ZNF462: variants seen among roughly 807,000 people sequenced by gnomAD.
The protein encoded by ZNF462 is zinc finger protein 462.
ZNF462 carries 10 observed loss-of-function variants against 201.9 expected under a neutral mutation model. The ratio of observed to expected loss-of-function variants is 0.05; its 90% CI spans 0.03 to 0.08. The LOEUF is 0.08. ZNF462 is among the 10% of genes least tolerant of loss of function. The probability of loss-of-function intolerance (pLI) is 1.00; values close to 1 mark genes in which losing one functional copy is unlikely to be tolerated. For synonymous variants in ZNF462, 1,227 were observed against 1,193.3 expected, an observed-to-expected ratio of 1.03 and a Z score of -0.58; for missense variants, 2,523 against 3,168.3, an observed-to-expected ratio of 0.80 and a Z score of 4.89.
At position 107,006,593 on chromosome 9, in the gene ZNF462, G is replaced by A. The variant is rs538190745; in HGVS notation, c.7190-2952G>A. Among the ~76,000 whole-genome samples the A allele has an allele frequency of 6.6e-6, 1 of 152,118 alleles. No individual in the cohort carries two copies. Among genetic ancestry groups the A allele is most frequent in the African/African-American group, 2.4e-5 (1 of 41,506 alleles). ...TTTCTTTGTGTTTTCTGCTTGTTCTGTCTGCAAACATTAAGGAAGCCTATT... is the reference window on the plus strand; with the variant it reads ...TTTCTTTGTGTTTTCTGCTTGTTCTATCTGCAAACATTAAGGAAGCCTATT... On this transcript the variant is annotated intron_variant, in intron 11 of 12. Coordinates refer to ENST00000277225, the MANE Select transcript of ZNF462 (RefSeq NM_021224.6). This position sits in a 1 kb window ranked among gnomAD's most constrained non-coding sequence, Gnocchi z 4.3.
intron 7 of ZNF462, among the ~76,000 whole-genome samples, chr9:106,964,035 G>A (rs1226868447): frequency 1.3e-5 from 2 of 151,524 alleles, no homozygotes; most frequent in African/African-American, 4.9e-5. Context: ...GTGTGTGTGT[G>A]TGTGTGTTAT....
At chr9:106,896,545 A>G (rs1828821708) in intron 1 of ZNF462, among the ~76,000 whole-genome samples, 1 of 152,100 alleles carries the variant, frequency 6.6e-6, no homozygotes. Flanking sequence ...AATGGGTTAT[A>G]TTGCTTCTAA....
At chr9:107,001,928 G>A (rs916679792) in intron 10 of ZNF462, among the ~76,000 whole-genome samples, 2 of 152,064 alleles carry the variant, frequency 1.3e-5, no homozygotes, top group Non-Finnish European at 2.9e-5. Flanking sequence ...TTTTCCCTGA[G>A]TTCTTCTCCT....
At position 106,870,792 on chromosome 9, in the gene ZNF462, T is replaced by G. The variant is rs890621254; in HGVS notation, c.-31+7437T>G. Reference sequence around the variant, plus strand: ...CAGAAGTAATAAAGCCCAGGATTTGTGGAGAGAGCTTAGCCGCCACAGAGC... The same window carrying G: ...CAGAAGTAATAAAGCCCAGGATTTGGGGAGAGAGCTTAGCCGCCACAGAGC... On this transcript the variant is annotated intron_variant, in intron 1 of 12. Transcript: ENST00000277225. This position sits in a 1 kb window ranked among gnomAD's most constrained non-coding sequence, Gnocchi z 4.3. Among the ~76,000 whole-genome samples, 1 of 152,174 alleles carries G rather than the reference T, an allele frequency of 6.6e-6. No homozygotes were observed. Among genetic ancestry groups the G allele is most frequent in the Non-Finnish European group, 1.5e-5 (1 of 68,026 alleles).
At position 106,872,899 on chromosome 9, in the gene ZNF462, A is replaced by AT. The variant is rs555693196; in HGVS notation, c.-31+9553dup. Among the ~76,000 whole-genome samples the AT allele has an allele frequency of 1.6e-3, 244 of 151,572 alleles. 1 individual carries two copies. Among genetic ancestry groups the AT allele is most frequent in the Middle Eastern group, 0.01 (3 of 294 alleles). On this transcript the variant is annotated intron_variant, in intron 1 of 12. Coordinates refer to ENST00000277225, the MANE Select transcript of ZNF462 (RefSeq NM_021224.6). The surrounding 1 kb of genome is among the most constrained non-coding windows in gnomAD (Gnocchi z 4.5). The stretch of plus-strand genomic sequence containing the variant: ...TAGTTAATACTGGACAACGGTTTTT[A>AT]TTTTTTTTTAACATTTAATATGAAC...
chr9:106,925,558 C>T lies in ZNF462; in HGVS notation c.1646C>T (p.Pro549Leu), dbSNP rs145644535. The part of the protein sequence containing the change: ...QQQPPQPPPP[P>L]PPPPPSQPQP... ...CAGCCACCGCAGCCACCACCACCGC[C>T]GCCGCCACCACCACCATCACAGCCA... Residue 549 changes from proline to leucine, a missense_variant, in exon 3 of 13, where the codon CCG (proline) becomes CTG (leucine). Pro to Leu is a moderately conservative substitution (Grantham distance 98). Coordinates refer to ENST00000277225, the MANE Select transcript of ZNF462 (RefSeq NM_021224.6). The surrounding 1 kb of genome is among the most constrained non-coding windows in gnomAD (Gnocchi z 7.9). 3,086 of 1,612,228 alleles carry T rather than the reference C, an allele frequency of 1.9e-3. 3 individuals are homozygous for T. Among genetic ancestry groups the T allele is most frequent in the Non-Finnish European group, 2.3e-3 (2,716 of 1,179,216 alleles).
At chr9:106,934,195 C>T (rs112182760) in intron 5 of ZNF462, among the ~76,000 whole-genome samples, 1,948 of 150,950 alleles carry the variant, frequency 0.013, 37 homozygotes, top group African/African-American at 0.044. Context: ...AAGAGTAAAG[C>T]CTAGAAAAAT....
chr9:106,983,333 A>G (rs778340787), intron 9 of ZNF462, among the ~76,000 whole-genome samples: 79 of 152,180 alleles, frequency 5.2e-4, no homozygotes, highest in African/African-American at 1.8e-3. Context: ...CTGTCTAAAA[A>G]GACACAAATC....
rs1587995971 is a variant in ZNF462, at chr9:106,884,018, T to A, written c.-31+20663T>A. The stretch of plus-strand genomic sequence containing the variant: ...GTGTGTATATATGGTGGGGGAAGGG[T>A]GGACAGCTCCCTTTTAAAAAGTTTT... On this transcript the variant is annotated intron_variant, in intron 1 of 12. Transcript: ENST00000277225. Among the ~76,000 whole-genome samples the A allele has an allele frequency of 2.0e-5, 3 of 152,176 alleles. No individual in the cohort carries two copies. In the East Asian group the frequency reaches 5.8e-4, roughly 29 times the overall value.
intron 10 of ZNF462, among the ~76,000 whole-genome samples, chr9:106,985,492 A>C (rs982656746): frequency 6.6e-6 from 1 of 152,110 alleles, no homozygotes; most frequent in African/African-American, 2.4e-5. Context: ...CTGGCATCTC[A>C]TGAACTGAGA....
In ZNF462 at chr9:107,011,777, A is replaced by C. The variant is rs1829935503; in HGVS notation, c.*747A>C. ...TATTTTAGTAAAAAACAAAACAAAA[A>C]AAAGAAACAGACTTTAATTATTAGA... On this transcript the variant is annotated 3_prime_UTR_variant, in exon 13 of 13. Coordinates refer to ENST00000277225, the MANE Select transcript of ZNF462 (RefSeq NM_021224.6). The surrounding 1 kb of genome is among the most constrained non-coding windows in gnomAD (Gnocchi z 5.6). 1 of 152,190 alleles carries C rather than the reference A, an allele frequency of 6.6e-6. No individual in the cohort carries two copies. Among genetic ancestry groups the C allele is most frequent in the Non-Finnish European group, 1.5e-5 (1 of 68,028 alleles). The allele number at this position is 152,190 out of a possible 1,614,324, so 9.4% of individuals were successfully genotyped here. A position where few individuals can be genotyped will look rare whatever the true frequency, so the allele number is the denominator to read the frequency against.
intron 1 of ZNF462, among the ~76,000 whole-genome samples, chr9:106,910,386 T>A (rs568615008): frequency 0.014 from 2,053 of 145,818 alleles, 26 homozygotes; most frequent in Non-Finnish European, 0.022. Context: ...TTTTTTTTTT[T>A]AATAACTCAT....
chr9:106,879,678 G>GCAATTATATAA (rs1828005544), intron 1 of ZNF462, among the ~76,000 whole-genome samples: 1 of 152,152 alleles, frequency 6.6e-6, no homozygotes, highest in Non-Finnish European at 1.5e-5. Context: ...TGCAGCTGTA[G>GCAATTATATAA]TTGGTAGAAG....
chr9:106,923,711 T>C lies in ZNF462; in HGVS notation c.220+108T>C. On this transcript the variant is annotated intron_variant, in intron 2 of 12. Coordinates refer to ENST00000277225, the MANE Select transcript of ZNF462 (RefSeq NM_021224.6). This position sits in a 1 kb window ranked among gnomAD's most constrained non-coding sequence, Gnocchi z 5.6. Reference sequence around the variant, plus strand: ...TACGTGGCTTTTGCAGAGTTTCTTGTGCTTTGCTAGCCATTTTTGTGGTTT... The same window carrying C: ...TACGTGGCTTTTGCAGAGTTTCTTGCGCTTTGCTAGCCATTTTTGTGGTTT... The C allele has an allele frequency of 8.8e-7, 1 of 1,141,078 alleles. No homozygotes were observed. Among genetic ancestry groups the C allele is most frequent in the Non-Finnish European group, 1.2e-6 (1 of 800,378 alleles). The allele number at this position is 1,141,078 out of a possible 1,614,324, so 70.7% of individuals were successfully genotyped here.
chr9:107,003,169 A>G lies in ZNF462; in HGVS notation c.7057-125A>G. 1 of 1,263,062 alleles carries G rather than the reference A, an allele frequency of 7.9e-7. No homozygotes were observed. The highest frequency in any genetic ancestry group is 1.1e-6 in the Non-Finnish European group (1 of 911,848). 78.2% of individuals were successfully genotyped at this position (1,263,062 alleles called of 1,614,324 possible). A position where few individuals can be genotyped will look rare whatever the true frequency, so the allele number is the denominator to read the frequency against. ...AAGAAAAAGACCTCTTAGGCCCCGG[A>G]GTTGTTTGGTCCTGGTTGCAAAACC... On this transcript the variant is annotated intron_variant, in intron 10 of 12. Transcript: ENST00000277225. This position sits in a 1 kb window ranked among gnomAD's most constrained non-coding sequence, Gnocchi z 4.4.
At chr9:106,948,300 CA>C (rs1831195417) in intron 7 of ZNF462, among the ~76,000 whole-genome samples, 2 of 152,170 alleles carry the variant, frequency 1.3e-5, no homozygotes, top group African/African-American at 4.8e-5. Context: ...TATTAAGAAA[CA>C]GACTCAATGG....
At chr9:107,007,218 A>G (rs1829611753) in intron 11 of ZNF462, among the ~76,000 whole-genome samples, 1 of 152,216 alleles carries the variant, frequency 6.6e-6, no homozygotes, top group Non-Finnish European at 1.5e-5. Flanking sequence ...ATACCCTTCT[A>G]GGCTTCTGCT....
chr9:106,939,778 T>C (rs969086622), intron 7 of ZNF462, among the ~76,000 whole-genome samples: 3 of 152,180 alleles, frequency 2.0e-5, no homozygotes, highest in African/African-American at 4.8e-5. Context: ...CCTGCAGATA[T>C]GGCATAGTAA....
intron 1 of ZNF462, among the ~76,000 whole-genome samples, chr9:106,878,176 G>C (rs1827921153): frequency 6.6e-6 from 1 of 152,314 alleles, no homozygotes; most frequent in Admixed American, 6.5e-5. Flanking sequence ...CCTGGGTCAA[G>C]CTCATAATGC....
Sources: gnomAD v4.1 joint callset for allele counts (sites outside exome capture counted in the v4.1 genomes callset) on GRCh38, gnomAD v4.1.1 for gene constraint, Gnocchi (gnomAD v3.1) non-coding constraint, MANE v1.5 for transcripts, NCBI Gene and HGNC (gene_info 2026-07-23, HGNC 2026-07-21) for gene names.